Variants in DNM3 observed in about 807,000 individuals in gnomAD.
DNM3 encodes the protein dynamin 3, also known as dynamin-3.
A neutral mutation model predicts 101.6 loss-of-function variants in DNM3; 47 were observed. The ratio of observed to expected loss-of-function variants is 0.46; its 90% CI spans 0.37 to 0.59. The LOEUF (loss-of-function observed/expected upper bound fraction) is 0.59, where lower values mean the gene tolerates loss of function less well. Among genes scored for constraint, DNM3 ranks in the 20% least tolerant of loss-of-function variants. DNM3 has a pLI of 0.00. For missense variants in DNM3, 849 were observed against 1,085.7 expected (o/e 0.78, Z 3.06); for synonymous variants, 385 against 387.9 (o/e 0.99, Z 0.09).
intron 2 of DNM3, among the ~76,000 whole-genome samples, chr1:171,949,365 C>T (rs1422098163): frequency 6.6e-6 from 1 of 152,150 alleles, no homozygotes; most frequent in Admixed American, 6.5e-5. Context: ...AGATACTCAA[C>T]ATCAGTAGTC....
chr1:172,250,057 G>A (rs940672708), intron 14 of DNM3, among the ~76,000 whole-genome samples: 15 of 152,070 alleles, frequency 9.9e-5, no homozygotes, highest in African/African-American at 3.4e-4. Context: ...AATGAGCAAC[G>A]TTCACATAAA....
intron 4 of DNM3, among the ~76,000 whole-genome samples, chr1:172,000,016 G>C (rs1446218379): frequency 6.6e-6 from 1 of 152,060 alleles, no homozygotes; most frequent in Non-Finnish European, 1.5e-5. Flanking sequence ...CTTGTTTGTG[G>C]TAATTTGTTA....
chr1:172,057,007 A>T (rs1167053464), intron 10 of DNM3, among the ~76,000 whole-genome samples: 3 of 152,090 alleles, frequency 2.0e-5, no homozygotes, highest in Non-Finnish European at 4.4e-5. Context: ...AAAGGAGCTG[A>T]TGGAGCTGAA....
At chr1:171,951,115 A>G (rs1234992111) in intron 2 of DNM3, among the ~76,000 whole-genome samples, 1 of 152,192 alleles carries the variant, frequency 6.6e-6, no homozygotes, top group Non-Finnish European at 1.5e-5. Flanking sequence ...TCTCTTTAAG[A>G]TATTGTAAAC....
At chr1:172,346,122 C>CAAAAAAAAAAAAA (rs554868535) in intron 17 of DNM3, among the ~76,000 whole-genome samples, 4 of 92,164 alleles carry the variant, frequency 4.3e-5, no homozygotes, top group Non-Finnish European at 8.9e-5. Context: ...GACTCCGTCT[C>CAAAAAAAAAAAAA]AAAAAAAAAA....
Position 172,097,970 on chromosome 1 carries a change from G to A in DNM3, c.1545+5095G>A, listed in dbSNP as rs767794992. ...ATAGGGTTTGGGTCACAGAGGTCAC[G>A]TGCTTCACAAGGTAATAGAATATCA... On this transcript the variant is annotated intron_variant, in intron 13 of 20. Coordinates refer to ENST00000627582, the MANE Select transcript of DNM3 (RefSeq NM_015569.5). Among the ~76,000 whole-genome samples the A allele has an allele frequency of 4.6e-5, 7 of 152,148 alleles. No individual in the cohort carries two copies. The East Asian group carries it at 7.7e-4, about 17-fold the overall frequency.
chr1:172,303,755 C>T (rs1214659666), intron 15 of DNM3, among the ~76,000 whole-genome samples: 1 of 152,104 alleles, frequency 6.6e-6, no homozygotes, highest in Non-Finnish European at 1.5e-5. Flanking sequence ...ATTTTCAACC[C>T]AGAATTTCAT....
chr1:172,177,495 G>T (rs2059195427), intron 14 of DNM3, among the ~76,000 whole-genome samples: 1 of 151,808 alleles, frequency 6.6e-6, no homozygotes, highest in Admixed American at 6.6e-5. Context: ...TACACATAAG[G>T]GGAAGTGGGG....
At chr1:172,063,320 T>C (rs1302517993) in intron 10 of DNM3, among the ~76,000 whole-genome samples, 1 of 152,070 alleles carries the variant, frequency 6.6e-6, no homozygotes, top group African/African-American at 2.4e-5. Flanking sequence ...TGTTAATACA[T>C]TTTGGAAGTG....
chr1:172,302,721 G>A (rs1415735029), intron 15 of DNM3, among the ~76,000 whole-genome samples: 1 of 152,124 alleles, frequency 6.6e-6, no homozygotes, highest in African/African-American at 2.4e-5. Context: ...TCCGCCGGGT[G>A]ATACCAAGGC....
chr1:172,083,526 C>T (rs1052947954), intron 12 of DNM3, among the ~76,000 whole-genome samples: 8 of 152,050 alleles, frequency 5.3e-5, no homozygotes, highest in South Asian at 2.1e-4. Flanking sequence ...TAGCAGATGT[C>T]GATGTAAACT....
chr1:172,044,649 A>G (rs1034131779), intron 9 of DNM3, among the ~76,000 whole-genome samples, 197 bp downstream of exon 9: 2 of 152,166 alleles, frequency 1.3e-5, no homozygotes, highest in Non-Finnish European at 2.9e-5. Context: ...CAAGTGAAAA[A>G]GCAAAAACAT....
chr1:172,203,363 G>A (rs1312186396), intron 14 of DNM3, among the ~76,000 whole-genome samples: 2 of 152,128 alleles, frequency 1.3e-5, no homozygotes, highest in East Asian at 1.9e-4. Context: ...CAGATAAACC[G>A]AAGCATAAAC....
At chr1:172,305,454 C>T (rs1372582139) in intron 15 of DNM3, among the ~76,000 whole-genome samples, 1 of 152,160 alleles carries the variant, frequency 6.6e-6, no homozygotes, top group East Asian at 1.9e-4. Flanking sequence ...ACCAGAGGTA[C>T]AAGGAGGAAC....
At chr1:172,041,442 T>A (rs2049379000) in intron 7 of DNM3, among the ~76,000 whole-genome samples, 3 of 152,120 alleles carry the variant, frequency 2.0e-5, no homozygotes, top group Admixed American at 2.0e-4. Context: ...TCAAGGCAGC[T>A]AAGAGGAAAT....
chr1:171,859,189 C>T (rs376759855), intron 1 of DNM3, among the ~76,000 whole-genome samples: 17 of 152,238 alleles, frequency 1.1e-4, no homozygotes, highest in East Asian at 5.8e-4. Flanking sequence ...ACACCCACCA[C>T]GCTGTTTCAT....
chr1:172,168,091 C>G (rs1196701850), intron 14 of DNM3, among the ~76,000 whole-genome samples: 1 of 151,988 alleles, frequency 6.6e-6, no homozygotes, highest in Non-Finnish European at 1.5e-5. Context: ...TCAACATTAG[C>G]ACAACTTTGC....
intron 2 of DNM3, among the ~76,000 whole-genome samples, chr1:171,947,956 T>C (rs1052759622): frequency 1.3e-5 from 2 of 152,230 alleles, no homozygotes; most frequent in Non-Finnish European, 2.9e-5. Flanking sequence ...GCTTTGCTTT[T>C]GCTTTTCTTC....
chr1:172,226,844 T>TAAAAATTAAA (rs1182458482), intron 14 of DNM3, among the ~76,000 whole-genome samples: 3 of 152,182 alleles, frequency 2.0e-5, no homozygotes, highest in Non-Finnish European at 4.4e-5. Flanking sequence ...GGTATATTAC[T>TAAAAATTAAA]AAAAATTAAA....
Sources: allele counts gnomAD v4.1 joint callset (sites outside exome capture counted in the v4.1 genomes callset), GRCh38; gene constraint gnomAD v4.1.1; transcripts MANE v1.5; gene names NCBI Gene and HGNC (gene_info 2026-07-23, HGNC 2026-07-21).